The following GRIA1 variants were observed in gnomAD, a reference collection of about 807,000 sequenced individuals.
The protein encoded by GRIA1 is glutamate receptor 1.
Under a neutral mutation model 99.2 loss-of-function variants are expected in GRIA1, and 31 were observed. The observed-to-expected ratio is 0.31, with a 90% confidence interval of 0.23 to 0.42. GRIA1 has a LOEUF of 0.42. Among genes scored for constraint, GRIA1 ranks in the 10% least tolerant of loss-of-function variants. The pLI is 1.00. For missense variants in GRIA1, 782 were observed against 1,157.5 expected (o/e 0.68, Z 4.71); for synonymous variants, 438 against 432.4 (o/e 1.01, Z -0.16).
chr5:153,766,466 C>T lies in GRIA1; in HGVS notation c.2022+1834C>T, dbSNP rs746792495. On this transcript the variant is annotated intron_variant, in intron 12 of 15. Transcript: ENST00000285900. The stretch of plus-strand genomic sequence containing the variant: ...ACAACATGCACCAGTCCTCAAAGTA[C>T]TTTTGCACCTATGGTTTCATTTTTG... Among the ~76,000 whole-genome samples, 4 of 152,210 alleles carry T rather than the reference C, an allele frequency of 2.6e-5. 1 individual carries two copies. The South Asian group carries it at 8.3e-4, about 31-fold the overall frequency.
chr5:153,619,851 G>A (rs542515524), intron 2 of GRIA1, among the ~76,000 whole-genome samples: 1 of 152,324 alleles, frequency 6.6e-6, no homozygotes, highest in African/African-American at 2.4e-5. Context: ...GGATGCTCAA[G>A]TGTTGTTGCT....
intron 4 of GRIA1, among the ~76,000 whole-genome samples, chr5:153,655,008 G>C (rs1190473893): frequency 1.3e-5 from 2 of 152,118 alleles, no homozygotes; most frequent in Admixed American, 1.3e-4. Context: ...GGGATAAAAG[G>C]GTATTCATTG....
In GRIA1 at chr5:153,492,230, T is replaced by C. The variant is rs575416036; in HGVS notation, c.82+1260T>C. On this transcript the variant is annotated intron_variant, in intron 1 of 15. Coordinates refer to ENST00000285900, the MANE Select transcript of GRIA1 (RefSeq NM_000827.4). ...TGCAGTACCCATCTCTTTCAGCCTC[T>C]CCAGCTAGCTGGCGGCTTGGAGTGG... 26 of 1,533,774 alleles carry C rather than the reference T, an allele frequency of 1.7e-5. No individual in the cohort carries two copies. In the Admixed American group the frequency reaches 5.1e-4, roughly 30 times the overall value.
In GRIA1 at chr5:153,691,040, G is replaced by A. The variant is rs140179315; in HGVS notation, c.1134+4711G>A. Reference sequence around the variant, plus strand: ...TCAGAGAAACTCTCCTGATCTTCAGGCCTATTTCCTGTTCACTCATGTGCC... The same window carrying A: ...TCAGAGAAACTCTCCTGATCTTCAGACCTATTTCCTGTTCACTCATGTGCC... On this transcript the variant is annotated intron_variant, in intron 8 of 15. Coordinates refer to ENST00000285900, the MANE Select transcript of GRIA1 (RefSeq NM_000827.4). Among the ~76,000 whole-genome samples, 1,095 of 152,246 alleles carry A rather than the reference G, an allele frequency of 7.2e-3. 19 individuals carry two copies. Among genetic ancestry groups the A allele is most frequent in the African/African-American group, 0.025 (1,024 of 41,536 alleles).
At chr5:153,556,547 T>A (rs1405219406) in intron 2 of GRIA1, among the ~76,000 whole-genome samples, 1 of 152,162 alleles carries the variant, frequency 6.6e-6, no homozygotes, top group African/African-American at 2.4e-5. Flanking sequence ...CAGTTAAGTG[T>A]TCAACCAATA....
chr5:153,519,329 T>C (rs115038765), intron 2 of GRIA1, among the ~76,000 whole-genome samples: 2,092 of 151,830 alleles, frequency 0.014, 51 homozygotes, highest in African/African-American at 0.048. Flanking sequence ...ATCAGAAACT[T>C]TGGAGTTGGG....
At chr5:153,619,199 A>G (rs993242103) in intron 2 of GRIA1, among the ~76,000 whole-genome samples, 19 of 152,132 alleles carry the variant, frequency 1.2e-4, no homozygotes, top group Non-Finnish European at 4.4e-5. Context: ...TTCAACCTGC[A>G]TATTTTTTTC....
chr5:153,622,793 T>C (rs756410233), intron 2 of GRIA1, among the ~76,000 whole-genome samples: 25 of 152,098 alleles, frequency 1.6e-4, no homozygotes, highest in Non-Finnish European at 3.4e-4. Flanking sequence ...AATGTAACAG[T>C]GAACAAGAAA....
intron 11 of GRIA1, among the ~76,000 whole-genome samples, chr5:153,723,165 A>G (rs902007542): frequency 6.6e-5 from 10 of 152,230 alleles, no homozygotes; most frequent in Admixed American, 3.9e-4. Flanking sequence ...CATTCAAAAC[A>G]TGGTTGCTTT....
At position 153,677,128 on chromosome 5, in the gene GRIA1, C is replaced by A; in HGVS notation, c.996C>A (p.Gly332=). 6.4e-7 allele frequency: 1 copy of A among 1,559,148 alleles called. No homozygotes were observed. The highest frequency in any genetic ancestry group is 1.2e-5 in the South Asian group (1 of 83,866). The change falls in exon 7 of 16, where the codon GGC becomes GGA. Residue 332 remains glycine (G), a synonymous_variant. Coordinates refer to ENST00000285900, the MANE Select transcript of GRIA1 (RefSeq NM_000827.4). ...DCLANPAVPW[G]QGIDIQRALQ... Reference sequence around the variant, plus strand: ...TGGCTAACCCAGCTGTTCCCTGGGGCCAAGGGATCGACATCCAGAGAGCTC... The same window carrying A: ...TGGCTAACCCAGCTGTTCCCTGGGGACAAGGGATCGACATCCAGAGAGCTC...
intron 2 of GRIA1, among the ~76,000 whole-genome samples, chr5:153,507,101 A>C (rs1178012938): frequency 1.3e-5 from 2 of 152,108 alleles, no homozygotes; most frequent in African/African-American, 4.8e-5. Flanking sequence ...CCAGCCTGGG[A>C]GAAAGAGTGA....
intron 2 of GRIA1, among the ~76,000 whole-genome samples, chr5:153,539,155 T>G (rs1758846703): frequency 6.6e-6 from 1 of 152,216 alleles, no homozygotes; most frequent in Non-Finnish European, 1.5e-5. Context: ...TTACTTATAT[T>G]TTCCTTTAAC....
intron 5 of GRIA1, among the ~76,000 whole-genome samples, chr5:153,665,443 A>G (rs1412368696): frequency 6.6e-6 from 1 of 152,192 alleles, no homozygotes; most frequent in East Asian, 1.9e-4. Context: ...TACCTTGTTT[A>G]ATTAGAGGGA....
At chr5:153,710,140 A>G (rs1174054001) in intron 11 of GRIA1, among the ~76,000 whole-genome samples, 2 of 152,036 alleles carry the variant, frequency 1.3e-5, no homozygotes, top group East Asian at 3.9e-4. Context: ...AGCTATGATC[A>G]CAGATTACAA....
chr5:153,528,166 C>A (rs1274106281), intron 2 of GRIA1, among the ~76,000 whole-genome samples: 1 of 152,008 alleles, frequency 6.6e-6, no homozygotes, highest in African/African-American at 2.4e-5. Context: ...TTTTATGTTT[C>A]TCAAAACATA....
chr5:153,800,483 C>G (rs759865658), intron 14 of GRIA1, among the ~76,000 whole-genome samples: 1 of 152,226 alleles, frequency 6.6e-6, no homozygotes, highest in African/African-American at 2.4e-5. Context: ...TTACCCTTAT[C>G]AGGCCATTAT....
In GRIA1 at chr5:153,673,245, C is replaced by T. The variant is rs554734939; in HGVS notation, c.700-1255C>T. 3.0e-4 allele frequency among the ~76,000 whole-genome samples: 46 copies of T among 152,302 alleles called. 1 individual carries two copies. In the South Asian group the frequency reaches 9.3e-3, roughly 31 times the overall value. On this transcript the variant is annotated intron_variant, in intron 5 of 15. Coordinates refer to ENST00000285900, the MANE Select transcript of GRIA1 (RefSeq NM_000827.4). The stretch of plus-strand genomic sequence containing the variant: ...ACACAGGCATCACTTCACTCAGGTC[C>T]CTAAGCCAAGACCACCTCCTTGCGG...
At chr5:153,765,056 T>G (rs756576167) in intron 12 of GRIA1, among the ~76,000 whole-genome samples, 7 of 151,852 alleles carry the variant, frequency 4.6e-5, no homozygotes, top group Non-Finnish European at 1.0e-4. Flanking sequence ...GTTGACTTGA[T>G]GAATAAGAGG....
intron 11 of GRIA1, among the ~76,000 whole-genome samples, chr5:153,734,691 G>A (rs531888416): frequency 6.6e-6 from 1 of 152,288 alleles, no homozygotes; most frequent in African/African-American, 2.4e-5. Context: ...ATGGAGCAGA[G>A]ACCTTAACCC....
Sources: allele counts gnomAD v4.1 joint callset (sites outside exome capture counted in the v4.1 genomes callset), GRCh38; gene constraint gnomAD v4.1.1; transcripts MANE v1.5; gene names NCBI Gene and HGNC (gene_info 2026-07-23, HGNC 2026-07-21).